TOX: variants seen among roughly 807,000 people sequenced by gnomAD.
TOX encodes the protein thymocyte selection associated high mobility group box, also known as thymocyte selection-associated high mobility group box protein TOX.
Under a neutral mutation model 53.7 loss-of-function variants are expected in TOX, and 11 were observed. The ratio of observed to expected loss-of-function variants is 0.20; its 90% CI spans 0.13 to 0.34. The LOEUF is 0.34. Among genes scored for constraint, TOX ranks in the 10% least tolerant of loss-of-function variants. The probability of loss-of-function intolerance (pLI) is 1.00; values close to 1 mark genes in which losing one functional copy is unlikely to be tolerated. For synonymous variants in TOX, 225 were observed against 245.3 expected (o/e 0.92, Z 0.77); for missense variants, 570 against 664.6 (o/e 0.86, Z 1.56).
At chr8:59,037,697 G>A (rs1370195463) in intron 1 of TOX, among the ~76,000 whole-genome samples, 1 of 151,664 alleles carries the variant, frequency 6.6e-6, no homozygotes, top group Non-Finnish European at 1.5e-5. Context: ...AGCTACTTGG[G>A]GGGCTGAAGC....
intron 1 of TOX, among the ~76,000 whole-genome samples, chr8:58,987,887 ACTT>A (rs1461761195): frequency 2.0e-5 from 3 of 152,124 alleles, no homozygotes; most frequent in Non-Finnish European, 2.9e-5. Context: ...GTTGGTGGGG[ACTT>A]CTTCTGAAGC....
chr8:59,031,397 A>G (rs1814353277), intron 1 of TOX, among the ~76,000 whole-genome samples: 1 of 152,208 alleles, frequency 6.6e-6, no homozygotes, highest in African/African-American at 2.4e-5. Flanking sequence ...TTGATTTTAT[A>G]TAAGATTCAT....
At chr8:58,921,815 C>T (rs559345808) in intron 3 of TOX, among the ~76,000 whole-genome samples, 4 of 152,138 alleles carry the variant, frequency 2.6e-5, no homozygotes, top group Non-Finnish European at 5.9e-5. Context: ...TGAAAGAGGT[C>T]GTTTTTAGTT....
At chr8:58,822,180 C>T (rs1352094502) in intron 6 of TOX, among the ~76,000 whole-genome samples, 2 of 152,224 alleles carry the variant, frequency 1.3e-5, no homozygotes, top group Non-Finnish European at 2.9e-5. Flanking sequence ...TGAAATGGAA[C>T]CTATTTTCTT....
intron 1 of TOX, among the ~76,000 whole-genome samples, chr8:59,052,044 G>T (rs1803799704): frequency 6.6e-6 from 1 of 152,092 alleles, no homozygotes; most frequent in African/African-American, 2.4e-5. Flanking sequence ...AAAGCTAAAG[G>T]ATATGATCCT....
intron 1 of TOX, among the ~76,000 whole-genome samples, chr8:59,087,901 A>G (rs1804541861): frequency 6.6e-6 from 1 of 152,220 alleles, no homozygotes; most frequent in South Asian, 2.1e-4. Flanking sequence ...CACCTACCAG[A>G]TGAAGGTGAA....
At chr8:59,009,159 C>G (rs1180568244) in intron 1 of TOX, among the ~76,000 whole-genome samples, 2 of 150,626 alleles carry the variant, frequency 1.3e-5, no homozygotes, top group East Asian at 3.9e-4. Flanking sequence ...TACTTTTTTT[C>G]CTTTATTCCT....
intron 1 of TOX, among the ~76,000 whole-genome samples, chr8:59,002,725 A>G (rs1425115174): frequency 2.0e-5 from 3 of 152,192 alleles, no homozygotes; most frequent in African/African-American, 4.8e-5. Flanking sequence ...GATTTTTCTT[A>G]TATTTTATAA....
At chr8:58,909,408 C>T (rs1811872471) in intron 3 of TOX, among the ~76,000 whole-genome samples, 1 of 151,980 alleles carries the variant, frequency 6.6e-6, no homozygotes, top group Non-Finnish European at 1.5e-5. Flanking sequence ...GAATCTCAGC[C>T]CCCATCCTGT....
At chr8:58,989,940 C>T (rs1292933133) in intron 1 of TOX, among the ~76,000 whole-genome samples, 2 of 152,182 alleles carry the variant, frequency 1.3e-5, no homozygotes, top group Non-Finnish European at 2.9e-5. Context: ...AGGTCAGACA[C>T]AGGTTGGGTC....
In TOX at chr8:59,103,400, A is replaced by G. The variant is rs140486266; in HGVS notation, c.102+15486T>C. ...ATGCGTCTCCTAGGAGCAAAGAACTATATCCCAAAGCAGTAGAACTATAGA... is the reference window on the plus strand; with the variant it reads ...ATGCGTCTCCTAGGAGCAAAGAACTGTATCCCAAAGCAGTAGAACTATAGA... On this transcript the variant is annotated intron_variant, in intron 1 of 8. Coordinates refer to ENST00000361421, the MANE Select transcript of TOX (RefSeq NM_014729.3). Among the ~76,000 whole-genome samples the G allele has an allele frequency of 3.2e-3, 481 of 152,364 alleles. 2 individuals carry two copies. The highest frequency in any genetic ancestry group is 0.01 in the African/African-American group (430 of 41,592).
intron 1 of TOX, among the ~76,000 whole-genome samples, chr8:58,982,441 G>A (rs917394773): frequency 5.3e-5 from 8 of 152,132 alleles, no homozygotes; most frequent in Admixed American, 1.3e-4. Context: ...CATCAAAGAC[G>A]CCTATCAGAA....
chr8:58,871,315 GA>G (rs1244350109), intron 3 of TOX, among the ~76,000 whole-genome samples: 2 of 152,054 alleles, frequency 1.3e-5, no homozygotes, highest in Non-Finnish European at 2.9e-5. Context: ...TATTCCGTAT[GA>G]TACTGTAATA....
chr8:58,939,035 T>C (rs1457735791), intron 3 of TOX, among the ~76,000 whole-genome samples: 1 of 152,232 alleles, frequency 6.6e-6, no homozygotes, highest in Non-Finnish European at 1.5e-5. Context: ...GGTTTGACTC[T>C]ATGACAGCAC....
intron 3 of TOX, among the ~76,000 whole-genome samples, chr8:58,858,397 C>A (rs1810951137): frequency 6.6e-6 from 1 of 152,216 alleles, no homozygotes; most frequent in Non-Finnish European, 1.5e-5. Flanking sequence ...CTCTAGCAGA[C>A]AATCTATATC....
chr8:58,990,460 C>G (rs1813421217), intron 1 of TOX, among the ~76,000 whole-genome samples: 1 of 151,460 alleles, frequency 6.6e-6, no homozygotes, highest in Non-Finnish European at 1.5e-5. Flanking sequence ...TTGGCTAGAG[C>G]TAGCCAGAGT....
chr8:58,812,719 T>A (rs952259008), intron 7 of TOX, among the ~76,000 whole-genome samples: 1 of 152,204 alleles, frequency 6.6e-6, no homozygotes, highest in Non-Finnish European at 1.5e-5. Context: ...GGCAGGGGTC[T>A]CATGACTTGT....
chr8:58,921,625 T>G (rs938101899), intron 3 of TOX, among the ~76,000 whole-genome samples: 3 of 152,184 alleles, frequency 2.0e-5, no homozygotes, highest in African/African-American at 7.2e-5. Context: ...GAGGCAGAAA[T>G]AAGAAAGAAA....
intron 1 of TOX, among the ~76,000 whole-genome samples, chr8:59,069,741 G>C (rs1804159996): frequency 1.3e-5 from 2 of 152,160 alleles, no homozygotes; most frequent in African/African-American, 2.4e-5. Context: ...AGAAGAAGAA[G>C]AACTTGGGGA....
Sources: allele counts gnomAD v4.1 joint callset (sites outside exome capture counted in the v4.1 genomes callset), GRCh38; gene constraint gnomAD v4.1.1; transcripts MANE v1.5; gene names NCBI Gene and HGNC (gene_info 2026-07-23, HGNC 2026-07-21).